Variants in NBEAL1 observed in about 807,000 individuals in gnomAD.
NBEAL1 encodes neurobeachin-like protein 1.
A neutral mutation model predicts 351.3 loss-of-function variants in NBEAL1; 273 were observed. That is an observed-to-expected ratio of 0.78 (90% CI 0.70 to 0.86). The LOEUF is 0.86. Among genes scored for constraint, NBEAL1 ranks in the 40% least tolerant of loss-of-function variants. The probability of loss-of-function intolerance (pLI) is 0.00; values close to 1 mark genes in which losing one functional copy is unlikely to be tolerated. For missense variants in NBEAL1, 2,961 were observed against 3,201.3 expected (o/e 0.92, Z 1.81); for synonymous variants, 1,050 against 1,086.4 (o/e 0.97, Z 0.66).
chr2:203,202,679 T>C lies in NBEAL1; in HGVS notation c.7412-8T>C. 1 of 1,520,174 alleles carries C rather than the reference T, an allele frequency of 6.6e-7. No individual in the cohort carries two copies. The highest frequency in any genetic ancestry group is 1.1e-5 in the South Asian group (1 of 87,780). 94.2% of individuals were successfully genotyped at this position (1,520,174 alleles called of 1,614,324 possible). On this transcript the variant is annotated splice_region_variant and splice_polypyrimidine_tract_variant and intron_variant, in intron 50 of 55. Coordinates refer to ENST00000683969, the MANE Select transcript of NBEAL1 (RefSeq NM_001378026.1). Reference sequence around the variant, plus strand: ...GCATCTCATTTTATTTAATTCCTTTTCTTACAGATATTGTGACTTGCTTAG... The same window carrying C: ...GCATCTCATTTTATTTAATTCCTTTCCTTACAGATATTGTGACTTGCTTAG...
intron 8 of NBEAL1, among the ~76,000 whole-genome samples, chr2:203,081,974 C>T (rs996202664): frequency 1.3e-5 from 2 of 152,136 alleles, no homozygotes; most frequent in African/African-American, 4.8e-5. Flanking sequence ...TATGATGGTG[C>T]ACACCTGTGG....
intron 31 of NBEAL1, among the ~76,000 whole-genome samples, chr2:203,141,363 A>ATTTTTT (rs1468774275): frequency 1.1e-3 from 20 of 17,482 alleles, no homozygotes; most frequent in East Asian, 2.5e-3. Flanking sequence ...TATTATTATT[A>ATTTTTT]TTATTTTTTT....
chr2:203,024,135 A>G (rs10187018), intron 2 of NBEAL1, among the ~76,000 whole-genome samples: 45,380 of 150,790 alleles, frequency 0.3, 7,395 homozygotes, highest in East Asian at 0.61. Flanking sequence ...GTTTCAGTCT[A>G]CAGTGAGCTG....
At chr2:203,093,743 A>T (rs934586040) in intron 10 of NBEAL1, among the ~76,000 whole-genome samples, 1 of 152,160 alleles carries the variant, frequency 6.6e-6, no homozygotes, top group Admixed American at 6.5e-5. Context: ...AATCCTAGCT[A>T]CTAGAGAGGC....
chr2:203,143,167 C>T (rs2063424088), intron 31 of NBEAL1, among the ~76,000 whole-genome samples: 1 of 152,084 alleles, frequency 6.6e-6, no homozygotes, highest in Non-Finnish European at 1.5e-5. Context: ...TGTCATTTTT[C>T]CTGCTTTAAT....
chr2:203,141,109 T>G (rs1466113873), intron 31 of NBEAL1, among the ~76,000 whole-genome samples: 19 of 151,780 alleles, frequency 1.3e-4, no homozygotes, highest in Admixed American at 1.2e-3. Flanking sequence ...GGCTTTTTCA[T>G]TAAATTTAGC....
At chr2:203,018,909 TCTTA>T (rs2060723664) in intron 2 of NBEAL1, among the ~76,000 whole-genome samples, 1 of 152,210 alleles carries the variant, frequency 6.6e-6, no homozygotes, top group Non-Finnish European at 1.5e-5. Flanking sequence ...TGATCAATGT[TCTTA>T]CTTTCCTCCT....
chr2:203,110,282 G>T lies in NBEAL1; in HGVS notation c.2082G>T (p.Trp694Cys), dbSNP rs568361667. 4.5e-6 allele frequency: 7 copies of T among 1,551,170 alleles called. No homozygotes were observed. Among genetic ancestry groups the T allele is most frequent in the Non-Finnish European group, 6.1e-6 (7 of 1,146,702 alleles). The change falls in exon 15 of 56, where the codon TGG becomes TGT. Residue 694 changes from tryptophan (W) to cysteine (C), a missense_variant and splice_region_variant. Coordinates refer to ENST00000683969, the MANE Select transcript of NBEAL1 (RefSeq NM_001378026.1). ...ACCACAGTTTCTGTGATTCCCTCTG[G>T]GTAAGGCTTTAGGGCATCACATTTA... ...LPDHSFCDSLWHNITVVHMPG... is the reference protein window; with the variant it reads ...LPDHSFCDSLCHNITVVHMPG...
At position 203,060,391 on chromosome 2, in the gene NBEAL1, G is replaced by A. The variant is rs533790842; in HGVS notation, c.515+2938G>A. ...CCCATATAAAGTAGAAAACATATACGGATAACCAAAACTTGCCACATGAGG... is the reference window on the plus strand; with the variant it reads ...CCCATATAAAGTAGAAAACATATACAGATAACCAAAACTTGCCACATGAGG... On this transcript the variant is annotated intron_variant, in intron 6 of 55. Transcript: ENST00000683969. 2.0e-4 allele frequency among the ~76,000 whole-genome samples: 31 copies of A among 151,776 alleles called. No homozygotes were observed. The South Asian group carries it at 2.1e-3, about 10-fold the overall frequency.
chr2:203,182,496 A>G (rs1040119066), intron 43 of NBEAL1: 2 of 152,242 alleles, frequency 1.3e-5, no homozygotes, highest in African/African-American at 2.4e-5. Flanking sequence ...AGAGATGGAC[A>G]CTTGAATGAA....
Position 203,113,168 on chromosome 2 carries a change from G to GA in NBEAL1, c.2361dup (p.Ser788IlefsTer16). 6.4e-7 allele frequency: 1 copy of GA among 1,552,036 alleles called. No individual in the cohort carries two copies. Among genetic ancestry groups the GA allele is most frequent in the Non-Finnish European group, 8.7e-7 (1 of 1,147,062 alleles). ...ATCAGCCTCCTGGGGAGGAACAATT[G>GA]AAAAATCAAAATTGATTACCAAATT... On this transcript the variant is annotated frameshift_variant, in exon 17 of 56. Coordinates refer to ENST00000683969, the MANE Select transcript of NBEAL1 (RefSeq NM_001378026.1). LOFTEE classifies it high-confidence loss of function.
At chr2:203,193,688 G>A (rs2065159041) in intron 46 of NBEAL1, 107 bp from the exon 47 acceptor site, 3 of 651,354 alleles carry the variant, frequency 4.6e-6, no homozygotes, top group Non-Finnish European at 7.8e-6. Context: ...TGTCAACAAT[G>A]CATGGTATGT....
intron 12 of NBEAL1, among the ~76,000 whole-genome samples, chr2:203,100,171 C>G (rs1199990884): frequency 2.0e-5 from 3 of 152,010 alleles, no homozygotes; most frequent in African/African-American, 7.2e-5. Flanking sequence ...TAGGTTGATT[C>G]CATGTGTTTG....
chr2:203,083,902 T>C (rs1158578710), intron 9 of NBEAL1, among the ~76,000 whole-genome samples: 2 of 152,096 alleles, frequency 1.3e-5, no homozygotes, highest in African/African-American at 4.8e-5. Flanking sequence ...CTATAACATC[T>C]CTGTAGAGGT....
intron 3 of NBEAL1, among the ~76,000 whole-genome samples, chr2:203,048,738 C>T (rs2061272792): frequency 2.0e-5 from 3 of 152,108 alleles, no homozygotes; most frequent in African/African-American, 7.2e-5. Context: ...ATGAAAGAAA[C>T]ACCAGAGGAA....
rs1193277336 is a variant in NBEAL1 at position 203,126,661 on chromosome 2, A to G, written c.3090A>G (p.Gln1030=). The change falls in exon 22 of 56, where the codon CAA becomes CAG. Residue 1030 remains glutamine, a synonymous_variant. Coordinates refer to ENST00000683969, the MANE Select transcript of NBEAL1 (RefSeq NM_001378026.1). ...TGCAGCTCCTGCAACAAATGTATCA[A>G]TATTTACTCTTTGACTTTCGTATTT... ...KNMQLLQQMY[Q]YLLFDFRIWN... is the part of the protein sequence containing the mutation. 2.6e-6 allele frequency: 4 copies of G among 1,530,112 alleles called. No individual in the cohort carries two copies. The highest frequency in any genetic ancestry group is 2.4e-5 in the East Asian group (1 of 41,840). The allele number at this position is 1,530,112 out of a possible 1,614,324, so 94.8% of individuals were successfully genotyped here. A position where few individuals can be genotyped will look rare whatever the true frequency, so the allele number is the denominator to read the frequency against.
chr2:203,159,586 T>C (rs145577253), intron 36 of NBEAL1, among the ~76,000 whole-genome samples: 1 of 152,328 alleles, frequency 6.6e-6, no homozygotes, highest in East Asian at 1.9e-4. Context: ...TTTATAACCA[T>C]TTATGGTTAT....
At chr2:203,048,012 C>T (rs1357890036) in intron 3 of NBEAL1, among the ~76,000 whole-genome samples, 1 of 151,996 alleles carries the variant, frequency 6.6e-6, no homozygotes, top group Non-Finnish European at 1.5e-5. Flanking sequence ...AGACCTCAGG[C>T]CAGAAACAGG....
intron 54 of NBEAL1, among the ~76,000 whole-genome samples, chr2:203,212,581 T>C (rs2065816227): frequency 7.1e-6 from 1 of 140,634 alleles, no homozygotes; most frequent in African/African-American, 2.7e-5. Flanking sequence ...CACTCCAGCC[T>C]GGGTGACAGA....
Sources: allele counts gnomAD v4.1 joint callset (sites outside exome capture counted in the v4.1 genomes callset), GRCh38; gene constraint gnomAD v4.1.1; transcripts MANE v1.5; gene names NCBI Gene and HGNC (gene_info 2026-07-23, HGNC 2026-07-21).